ZNF385D: variants seen among roughly 807,000 people sequenced by gnomAD.
The protein encoded by ZNF385D is zinc finger protein 659.
In ZNF385D, 15 loss-of-function variants were observed where a neutral mutation model predicts 35.8. The observed-to-expected ratio is 0.42, with a 90% CI of 0.28 to 0.64. The LOEUF (loss-of-function observed/expected upper bound fraction) is 0.64, where lower values mean the gene tolerates loss of function less well. Among genes scored for constraint, ZNF385D ranks in the 30% least tolerant of loss-of-function variants. ZNF385D has a pLI of 0.23. For synonymous variants in ZNF385D, 212 were observed against 186.8 expected (o/e 1.13, Z -1.10); for missense variants, 474 against 494.6 (o/e 0.96, Z 0.39).
chr3:22,190,667 A>G (rs1695957781), intron 2 of ZNF385D, among the ~76,000 whole-genome samples: 1 of 152,188 alleles, frequency 6.6e-6, no homozygotes, highest in Non-Finnish European at 1.5e-5. Context: ...ATATCAACAT[A>G]CAAAACTGTC....
chr3:22,050,278 C>T (rs1576230532), intron 3 of ZNF385D, among the ~76,000 whole-genome samples: 1 of 151,858 alleles, frequency 6.6e-6, no homozygotes, highest in East Asian at 1.9e-4. Context: ...GGGAAGACTG[C>T]TTGAGCCCCA....
intron 3 of ZNF385D, among the ~76,000 whole-genome samples, chr3:21,823,679 A>C (rs112322338): frequency 6.6e-6 from 1 of 152,216 alleles, no homozygotes. Flanking sequence ...AACAAAATTC[A>C]ATAGCAGTAT....
chr3:21,904,364 G>T (rs1699568436), intron 3 of ZNF385D, among the ~76,000 whole-genome samples: 1 of 149,884 alleles, frequency 6.7e-6, no homozygotes, highest in Admixed American at 6.6e-5. Flanking sequence ...TTTTAACTAT[G>T]AAGAGTATAT....
chr3:22,314,268 C>T (rs188083864), intron 2 of ZNF385D, among the ~76,000 whole-genome samples: 22 of 152,102 alleles, frequency 1.4e-4, no homozygotes, highest in African/African-American at 5.3e-4. Flanking sequence ...ATCCCTCATC[C>T]CCTTCCTACC....
intron 3 of ZNF385D, among the ~76,000 whole-genome samples, chr3:21,825,433 C>G (rs1694540546): frequency 1.3e-5 from 2 of 152,028 alleles, no homozygotes; most frequent in African/African-American, 4.8e-5. Context: ...CTTCAAAAAA[C>G]AGATTATAAA....
chr3:21,786,515 C>T (rs940219016), intron 3 of ZNF385D, among the ~76,000 whole-genome samples: 1 of 152,156 alleles, frequency 6.6e-6, no homozygotes, highest in Admixed American at 6.5e-5. Context: ...ATTTTGTTCT[C>T]ATTTTCAGTG....
At chr3:21,679,163 T>A (rs2066820793) in intron 1 of ZNF385D, among the ~76,000 whole-genome samples, 1 of 152,092 alleles carries the variant, frequency 6.6e-6, no homozygotes, top group South Asian at 2.1e-4. Flanking sequence ...GCTATTTCGG[T>A]TCTCCTTCTA....
chr3:21,657,268 C>T (rs547019098), intron 2 of ZNF385D, among the ~76,000 whole-genome samples: 77 of 151,940 alleles, frequency 5.1e-4, no homozygotes, highest in East Asian at 2.5e-3. Flanking sequence ...GAGGAGAATG[C>T]GCTACCTATT....
Position 21,417,790 on chromosome 3 carries a change from T to C in ZNF385D, c.*3424A>G, listed in dbSNP as rs1432361237. ...AATACTCCTTTGCTAACTAGTTTCT[T>C]GGCAACAAAATATGTAGCACCTTTA... is the stretch of plus-strand genomic sequence containing the variant. On this transcript the variant is annotated 3_prime_UTR_variant, in exon 8 of 8. Coordinates refer to ENST00000281523, the MANE Select transcript of ZNF385D (RefSeq NM_024697.3). 1 of 152,154 alleles carries C rather than the reference T, an allele frequency of 6.6e-6. No homozygotes were observed. The highest frequency in any genetic ancestry group is 2.4e-5 in the African/African-American group (1 of 41,440). The allele number at this position is 152,154 out of a possible 1,614,324, so 9.4% of individuals were successfully genotyped here.
intron 3 of ZNF385D, among the ~76,000 whole-genome samples, chr3:22,106,356 C>A (rs1247209240): frequency 6.6e-6 from 1 of 152,086 alleles, no homozygotes; most frequent in Non-Finnish European, 1.5e-5. Flanking sequence ...AACTGAGATA[C>A]CATCTGCCCT....
intron 2 of ZNF385D, among the ~76,000 whole-genome samples, chr3:22,263,228 G>A (rs1700724805): frequency 6.6e-6 from 1 of 151,904 alleles, no homozygotes; most frequent in Admixed American, 6.6e-5. Flanking sequence ...TACTGTGCCT[G>A]GAATCCATCT....
chr3:21,681,222 C>A (rs1317665901), intron 1 of ZNF385D, among the ~76,000 whole-genome samples: 6 of 137,514 alleles, frequency 4.4e-5, no homozygotes, highest in Admixed American at 3.2e-4. Context: ...GTAAGGTAAA[C>A]CTTCTGACAA....
chr3:22,194,402 A>G (rs983501328), intron 2 of ZNF385D, among the ~76,000 whole-genome samples: 1 of 151,880 alleles, frequency 6.6e-6, no homozygotes, highest in Non-Finnish European at 1.5e-5. Context: ...CATAATATAG[A>G]GTTAGTCCTT....
chr3:22,150,261 C>A (rs1484427655), intron 3 of ZNF385D, among the ~76,000 whole-genome samples: 1 of 152,150 alleles, frequency 6.6e-6, no homozygotes, highest in Non-Finnish European at 1.5e-5. Flanking sequence ...AATAGGGCCT[C>A]ATATACATCT....
intron 3 of ZNF385D, among the ~76,000 whole-genome samples, chr3:22,064,916 T>C (rs1157685982): frequency 6.6e-6 from 1 of 152,234 alleles, no homozygotes; most frequent in East Asian, 1.9e-4. Flanking sequence ...TTTAAAAAAA[T>C]GTTTTCTTAA....
intron 3 of ZNF385D, among the ~76,000 whole-genome samples, chr3:22,141,573 G>A (rs1049382789): frequency 6.6e-6 from 1 of 152,140 alleles, no homozygotes; most frequent in African/African-American, 2.4e-5. Context: ...TCAGCCTTAA[G>A]GGTCTCTGTG....
intron 3 of ZNF385D, among the ~76,000 whole-genome samples, chr3:21,818,550 C>G (rs547256759): frequency 6.6e-4 from 100 of 151,922 alleles, no homozygotes; most frequent in African/African-American, 2.3e-3. Context: ...GAGAGATATC[C>G]CAAAATATTT....
chr3:21,748,192 CATT>C (rs1486318772), intron 1 of ZNF385D, among the ~76,000 whole-genome samples: 1 of 152,180 alleles, frequency 6.6e-6, no homozygotes, highest in African/African-American at 2.4e-5. Flanking sequence ...AGGCTTAAGT[CATT>C]AGAAAGCTCT....
intron 1 of ZNF385D, among the ~76,000 whole-genome samples, chr3:21,686,934 G>A (rs571006854): frequency 6.6e-6 from 1 of 152,236 alleles, no homozygotes; most frequent in Admixed American, 6.5e-5. Flanking sequence ...TCCTGAAAGG[G>A]AGCCTATTTT....
Sources: allele counts gnomAD v4.1 joint callset (sites outside exome capture counted in the v4.1 genomes callset), GRCh38; gene constraint gnomAD v4.1.1; transcripts MANE v1.5; gene names NCBI Gene and HGNC (gene_info 2026-07-23, HGNC 2026-07-21).